Variants in TAF4B observed in about 807,000 individuals in gnomAD.
TAF4B encodes the protein transcription initiation factor TFIID subunit 4B.
A neutral mutation model predicts 86.4 loss-of-function variants in TAF4B; 38 were observed. The observed-to-expected ratio is 0.44, with a 90% CI of 0.34 to 0.58. The LOEUF (loss-of-function observed/expected upper bound fraction) is 0.58, where lower values mean the gene tolerates loss of function less well. TAF4B is among the 20% of genes least tolerant of loss of function. The pLI, the probability that TAF4B is intolerant of heterozygous loss-of-function variation, is 0.02. For synonymous variants in TAF4B, 388 were observed against 391.2 expected (o/e 0.99, Z 0.10); for missense variants, 988 against 1,027.6 (o/e 0.96, Z 0.53).
intron 3 of TAF4B, among the ~76,000 whole-genome samples, chr18:26,268,528 T>G (rs556186798): frequency 6.6e-6 from 1 of 152,336 alleles, no homozygotes; most frequent in East Asian, 1.9e-4. Flanking sequence ...GGATCTGTGG[T>G]CTTAATAACC....
chr18:26,274,979 A>G lies in TAF4B; in HGVS notation c.808A>G (p.Ile270Val), dbSNP rs1431987350. ...ATGCAAGAACTTCCTTGCAATGTTA[A>G]TAAAACTAGCATGTAGTGGATCACA... is the stretch of plus-strand genomic sequence containing the variant. ...KKCKNFLAMLIKLACSGSQSP... is the reference protein window; with the variant it reads ...KKCKNFLAMLVKLACSGSQSP... The change falls in exon 5 of 15, where the codon ATA (isoleucine) becomes GTA (valine). Residue 270 changes from isoleucine to valine, a missense_variant. Physicochemically the swap from Ile to Val is conservative, Grantham distance 29. Coordinates refer to ENST00000269142, the MANE Select transcript of TAF4B (RefSeq NM_005640.3). The G allele has an allele frequency of 6.2e-7, 1 of 1,613,248 alleles. No homozygotes were observed. The highest frequency in any genetic ancestry group is 2.2e-5 in the East Asian group (1 of 44,852).
At chr18:26,352,680 C>T (rs188670916) in intron 13 of TAF4B, among the ~76,000 whole-genome samples, 1 of 152,186 alleles carries the variant, frequency 6.6e-6, no homozygotes, top group African/African-American at 2.4e-5. Context: ...CCCATAAGCC[C>T]AGGAGGTGAA....
intron 1 of TAF4B, among the ~76,000 whole-genome samples, chr18:26,231,215 G>T (rs1262179373): frequency 2.0e-5 from 3 of 150,548 alleles, no homozygotes; most frequent in African/African-American, 7.3e-5. Context: ...AATTTTTGTT[G>T]TATTTTTAGT....
At position 26,226,457 on chromosome 18, in the gene TAF4B, A is replaced by G. The variant is rs1052961602; in HGVS notation, c.-477A>G. On this transcript the variant is annotated 5_prime_UTR_variant, in exon 1 of 15. Transcript: ENST00000269142. ...GCGAGGTCTCCGCGTGGCTATATAA[A>G]CATGGCTGGCGTGGCCGCGCGGCGG... 2 of 152,384 alleles carry G rather than the reference A, an allele frequency of 1.3e-5. No homozygotes were observed. Among genetic ancestry groups the G allele is most frequent in the East Asian group, 1.9e-4 (1 of 5,174 alleles). 9.4% of individuals were successfully genotyped at this position (152,384 alleles called of 1,614,324 possible).
intron 14 of TAF4B, among the ~76,000 whole-genome samples, chr18:26,360,612 C>T (rs2057321721): frequency 1.3e-5 from 2 of 152,210 alleles, no homozygotes; most frequent in Admixed American, 1.3e-4. Context: ...ATCTTTGATT[C>T]GTACCGAACT....
chr18:26,305,275 A>G (rs969478796), intron 9 of TAF4B, among the ~76,000 whole-genome samples: 1 of 152,188 alleles, frequency 6.6e-6, no homozygotes, highest in African/African-American at 2.4e-5. Context: ...ATTTTCCTCA[A>G]ATGAATTGTC....
At chr18:26,352,117 A>C (rs1485721426) in intron 13 of TAF4B, among the ~76,000 whole-genome samples, 1 of 152,116 alleles carries the variant, frequency 6.6e-6, no homozygotes, top group Non-Finnish European at 1.5e-5. Flanking sequence ...AAACAGAGAA[A>C]TGAAAAACAG....
chr18:26,228,211 T>G (rs1202175637), intron 1 of TAF4B, among the ~76,000 whole-genome samples: 1 of 152,232 alleles, frequency 6.6e-6, no homozygotes, highest in Admixed American at 6.5e-5. Context: ...ACTGAAAGTC[T>G]CTTGGAGTTT....
chr18:26,326,296 A>T (rs2057004615), intron 11 of TAF4B, among the ~76,000 whole-genome samples: 1 of 152,206 alleles, frequency 6.6e-6, no homozygotes, highest in African/African-American at 2.4e-5. Context: ...CACAGAATAG[A>T]TTGAGCAATT....
At chr18:26,353,288 AG>A (rs1299420618) in intron 13 of TAF4B, among the ~76,000 whole-genome samples, 2 of 152,230 alleles carry the variant, frequency 1.3e-5, no homozygotes, top group Non-Finnish European at 2.9e-5. Flanking sequence ...AGAAATGAAA[AG>A]TTGCTTTAAT....
At chr18:26,236,634 T>G (rs1385461732) in intron 1 of TAF4B, among the ~76,000 whole-genome samples, 4 of 152,158 alleles carry the variant, frequency 2.6e-5, no homozygotes, top group Admixed American at 2.0e-4. Context: ...ACCACACTAA[T>G]AACAAGCCCT....
chr18:26,309,370 T>C (rs1194183874), intron 9 of TAF4B, among the ~76,000 whole-genome samples: 1 of 151,168 alleles, frequency 6.6e-6, no homozygotes, highest in African/African-American at 2.4e-5. Flanking sequence ...CCAATAGTTA[T>C]ATTTTCTGAT....
At chr18:26,377,106 C>T (rs2057447949) in intron 14 of TAF4B, among the ~76,000 whole-genome samples, 2 of 151,882 alleles carry the variant, frequency 1.3e-5, no homozygotes, top group Admixed American at 1.3e-4. Context: ...GTTTTGCATC[C>T]ATGTTCATAA....
At chr18:26,301,791 C>A (rs762195508) in intron 9 of TAF4B, among the ~76,000 whole-genome samples, 1 of 152,174 alleles carries the variant, frequency 6.6e-6, no homozygotes, top group African/African-American at 2.4e-5. Flanking sequence ...CAAGTTCTGG[C>A]AGCCTTGGAC....
chr18:26,325,908 A>G (rs915410484), intron 11 of TAF4B, among the ~76,000 whole-genome samples: 2 of 152,200 alleles, frequency 1.3e-5, no homozygotes, highest in Non-Finnish European at 2.9e-5. Context: ...CTAGTTAAAT[A>G]CCAACAATAA....
At chr18:26,299,908 T>C (rs927686035) in intron 9 of TAF4B, among the ~76,000 whole-genome samples, 5 of 152,190 alleles carry the variant, frequency 3.3e-5, no homozygotes, top group Non-Finnish European at 7.4e-5. Flanking sequence ...AGTTGACTTT[T>C]TCAGGCATGA....
intron 13 of TAF4B, among the ~76,000 whole-genome samples, chr18:26,342,172 T>C (rs1394117606): frequency 1.3e-5 from 2 of 152,206 alleles, no homozygotes; most frequent in Non-Finnish European, 2.9e-5. Flanking sequence ...TTAGTTCTTT[T>C]ATCCTGAGTT....
chr18:26,354,670 A>G (rs1281660505), intron 13 of TAF4B, among the ~76,000 whole-genome samples: 1 of 152,220 alleles, frequency 6.6e-6, no homozygotes, highest in African/African-American at 2.4e-5. Flanking sequence ...TCATTTCTCA[A>G]CTGCATTCCT....
At chr18:26,285,785 G>C (rs2144594972) in intron 6 of TAF4B, 97 bp from the exon 7 acceptor site, 1 of 1,397,040 alleles carries the variant, frequency 7.2e-7, no homozygotes, top group South Asian at 1.4e-5. Context: ...ATACACTTTT[G>C]ATTGGTTTTA....
Sources: allele counts gnomAD v4.1 joint callset (sites outside exome capture counted in the v4.1 genomes callset), GRCh38; gene constraint gnomAD v4.1.1; transcripts MANE v1.5; gene names NCBI Gene and HGNC (gene_info 2026-07-23, HGNC 2026-07-21).